MYBBP1A: variants seen among roughly 807,000 people sequenced by gnomAD.
MYBBP1A encodes the protein MYB binding protein 1a.
In MYBBP1A, 147 loss-of-function variants were observed where a neutral mutation model predicts 136.3. The ratio of observed to expected loss-of-function variants is 1.08; its 90% CI spans 0.94 to 1.24. MYBBP1A has a LOEUF of 1.24. Ranked by LOEUF, MYBBP1A falls within the 50% of genes most tolerant of loss-of-function variation. The pLI is 0.00. For synonymous variants in MYBBP1A, 947 were observed against 735.8 expected (o/e 1.29, Z -4.65); for missense variants, 2,060 against 1,727.4 (o/e 1.19, Z -3.41).
intron 25 of MYBBP1A, 49 bp from the exon 26 acceptor site, chr17:4,540,016 C>T (rs1443828173): frequency 6.4e-7 from 1 of 1,558,156 alleles, no homozygotes; most frequent in Non-Finnish European, 8.7e-7. Flanking sequence ...GGGCAGCAGC[C>T]ACCGCCACCG....
Position 4,539,841 on chromosome 17 carries a change from C to A in MYBBP1A, c.3561G>T (p.Glu1187Asp). The change falls in exon 26 of 26, where the codon GAG becomes GAT. Residue 1187 changes from glutamate to aspartate, a missense_variant. Coordinates refer to ENST00000254718, the MANE Select transcript of MYBBP1A (RefSeq NM_014520.4). ...TGCCATCCTCCGCTGGCGTGCCATC[C>A]TCTGACTTGCGTTTCTTGCGCTTCT... ...ETKKRKKRKS[E>D]DGTPAEDGTP... is the part of the protein sequence containing the mutation. 3.7e-6 allele frequency: 6 copies of A among 1,609,398 alleles called. No individual in the cohort carries two copies. The South Asian group carries it at 6.6e-5, about 18-fold the overall frequency.
At chr17:4,546,921 TTTTTTTC>T (rs200827487) in intron 13 of MYBBP1A, among the ~76,000 whole-genome samples, 3,959 of 151,338 alleles carry the variant, frequency 0.026, 139 homozygotes, top group African/African-American at 0.09. Flanking sequence ...CCTTTTTTTT[TTTTTTTC>T]TAAGACAGAA....
chr17:4,542,419 G>A (rs1906519790), intron 22 of MYBBP1A, 45 bp downstream of exon 22: 2 of 1,564,782 alleles, frequency 1.3e-6, no homozygotes, highest in East Asian at 2.3e-5. Flanking sequence ...GGTTAAGCGG[G>A]TTAATTCAGA....
At chr17:4,545,482 T>A in intron 15 of MYBBP1A, 128 bp downstream of exon 15, 1 of 1,493,200 alleles carries the variant, frequency 6.7e-7, no homozygotes, top group Admixed American at 2.1e-5. Context: ...GGCCAAGGCC[T>A]CGTTGAGACC....
At position 4,550,391 on chromosome 17, in the gene MYBBP1A, AG is replaced by A. The variant is rs751842512; in HGVS notation, c.1024-39del. ...GGCATGGCGCTGAGCCCACCAGCCCAGGGGGGCAGGCGGTTAACAACCCAAC... is the reference window on the plus strand; with the variant it reads ...GGCATGGCGCTGAGCCCACCAGCCCAGGGGGCAGGCGGTTAACAACCCAAC... On this transcript the variant is annotated intron_variant, in intron 8 of 25. Transcript: ENST00000254718. 18 of 1,573,514 alleles carry A rather than the reference AG, an allele frequency of 1.1e-5. No individual in the cohort carries two copies. The South Asian group carries it at 1.6e-4, about 14-fold the overall frequency.
chr17:4,540,233 C>T (rs1467822842), intron 25 of MYBBP1A, 115 bp downstream of exon 25: 1 of 1,383,162 alleles, frequency 7.2e-7, no homozygotes, highest in Non-Finnish European at 9.7e-7. Context: ...TGTGCAGCAG[C>T]ATGCGTGTGC....
In MYBBP1A at chr17:4,553,936, C is replaced by A; in HGVS notation, c.454-19G>T. On this transcript the variant is annotated intron_variant, in intron 4 of 25. Coordinates refer to ENST00000254718, the MANE Select transcript of MYBBP1A (RefSeq NM_014520.4). ...CCTGGTCCTGGTCCCCACAGAGGGACAGAGGGTATGAGCAGGGCACACGAC... is the reference window on the plus strand; with the variant it reads ...CCTGGTCCTGGTCCCCACAGAGGGAAAGAGGGTATGAGCAGGGCACACGAC... 1 of 1,613,972 alleles carries A rather than the reference C, an allele frequency of 6.2e-7. No individual in the cohort carries two copies. The highest frequency in any genetic ancestry group is 8.5e-7 in the Non-Finnish European group (1 of 1,179,948).
Position 4,544,923 on chromosome 17 carries a change from T to TG in MYBBP1A, c.2311-3dup. ...CTCGTTCTCACTGTCCTCTCCACCC[T>TG]GAGGGACAGAGGCCCAGCGGTCAGC... On this transcript the variant is annotated splice_region_variant and splice_polypyrimidine_tract_variant and intron_variant, in intron 17 of 25. Transcript: ENST00000254718. The TG allele has an allele frequency of 6.3e-7, 1 of 1,597,626 alleles. No homozygotes were observed. Among genetic ancestry groups the TG allele is most frequent in the Non-Finnish European group, 8.5e-7 (1 of 1,170,892 alleles).
At chr17:4,549,668 T>G (rs762290242) in intron 9 of MYBBP1A, among the ~76,000 whole-genome samples, 67 of 150,634 alleles carry the variant, frequency 4.4e-4, no homozygotes, top group Non-Finnish European at 8.4e-4. Context: ...TCCCAGCTAC[T>G]GGAGAGGCTG....
intron 17 of MYBBP1A, 31 bp downstream of exon 17, chr17:4,544,990 TCCCCG>T: frequency 1.4e-6 from 1 of 699,504 alleles, no homozygotes; most frequent in Non-Finnish European, 1.9e-6. Context: ...ACCCGAGCCC[TCCCCG>T]GCCGCCCCCC....
rs1907764738 is a variant in MYBBP1A at position 4,553,868 on chromosome 17, T to C, written c.503A>G (p.Gln168Arg). Residue 168 changes from glutamine (Q) to arginine (R), a missense_variant, in exon 5 of 26, where the codon CAG becomes CGG. Gln to Arg is a conservative substitution (Grantham distance 43, BLOSUM62 1). Coordinates refer to ENST00000254718, the MANE Select transcript of MYBBP1A (RefSeq NM_014520.4). Reference sequence around the variant, plus strand: ...CTGCTCCTGCAAGTGGTTTTGGTACTGGGCCAGGGCCTGCAGCAGCTTCAC... The same window carrying C: ...CTGCTCCTGCAAGTGGTTTTGGTACCGGGCCAGGGCCTGCAGCAGCTTCAC... ...KSVKLLQALA[Q>R]YQNHLQEQPR... 2.5e-6 allele frequency: 4 copies of C among 1,614,028 alleles called. No homozygotes were observed. The highest frequency in any genetic ancestry group is 2.5e-6 in the Non-Finnish European group (3 of 1,180,008).
intron 13 of MYBBP1A, among the ~76,000 whole-genome samples, chr17:4,547,114 T>C (rs1244024419): frequency 2.6e-5 from 4 of 152,234 alleles, no homozygotes; most frequent in Non-Finnish European, 4.4e-5. Context: ...TTTCACTCTG[T>C]TGGCCAGGCT....
chr17:4,540,090 A>G (rs982424581), intron 25 of MYBBP1A, 123 bp from the exon 26 acceptor site: 3 of 1,269,908 alleles, frequency 2.4e-6, no homozygotes, highest in African/African-American at 3.0e-5. Flanking sequence ...TGAGGCCCCT[A>G]TGAGGGTCCC....
At chr17:4,547,875 C>G (rs1316769187) in intron 13 of MYBBP1A, 83 bp downstream of exon 13, 8 of 1,206,712 alleles carry the variant, frequency 6.6e-6, no homozygotes, top group Non-Finnish European at 8.9e-6. Flanking sequence ...GAAACCCGCA[C>G]AGCCCTCAAA....
chr17:4,549,304 G>A, intron 10 of MYBBP1A, 28 bp downstream of exon 10: 2 of 1,599,404 alleles, frequency 1.3e-6, no homozygotes, highest in Non-Finnish European at 1.7e-6. Flanking sequence ...ACGCCCATGG[G>A]AAGCTGGGAA....
chr17:4,547,422 C>A (rs2144472022), intron 13 of MYBBP1A, among the ~76,000 whole-genome samples: 1 of 152,274 alleles, frequency 6.6e-6, no homozygotes, highest in South Asian at 2.1e-4. Flanking sequence ...CTCAGAATAA[C>A]CAAAGCTGGC....
chr17:4,539,129 C>T lies in MYBBP1A; in HGVS notation c.*286G>A. The T allele has an allele frequency of 6.7e-7, 1 of 1,493,474 alleles. No homozygotes were observed. Among genetic ancestry groups the T allele is most frequent in the Non-Finnish European group, 8.9e-7 (1 of 1,127,944 alleles). 92.5% of individuals were successfully genotyped at this position (1,493,474 alleles called of 1,614,324 possible). The stretch of plus-strand genomic sequence containing the variant: ...CACCTGCCTGCAGCCAGCACATCAA[C>T]CTGCACCAACCCAGGCAAACACCAG... On this transcript the variant is annotated 3_prime_UTR_variant, in exon 26 of 26. Coordinates refer to ENST00000254718, the MANE Select transcript of MYBBP1A (RefSeq NM_014520.4).
Position 4,554,878 on chromosome 17 carries a change from T to C in MYBBP1A, c.277A>G (p.Ser93Gly). The change falls in exon 2 of 26, where the codon AGT becomes GGT. Residue 93 changes from serine (S) to glycine (G), a missense_variant. Coordinates refer to ENST00000254718, the MANE Select transcript of MYBBP1A (RefSeq NM_014520.4). ...CACCTCACCTGTGCCAGGGCCAAAC[T>C]GTAGCAGGGCCGGGCTGTTTCTCGC... The part of the protein sequence containing the change: ...VGRETARPCY[S>G]LALAQLLQSF... 1 of 1,613,560 alleles carries C rather than the reference T, an allele frequency of 6.2e-7. No individual in the cohort carries two copies. The highest frequency in any genetic ancestry group is 8.5e-7 in the Non-Finnish European group (1 of 1,180,024).
Position 4,543,300 on chromosome 17 carries a change from AG to A in MYBBP1A, c.2640-136del, listed in dbSNP as rs1906644682. 10 of 1,250,074 alleles carry A rather than the reference AG, an allele frequency of 8.0e-6. No individual in the cohort carries two copies. The East Asian group carries it at 2.6e-4, about 32-fold the overall frequency. The allele number at this position is 1,250,074 out of a possible 1,614,324, so 77.4% of individuals were successfully genotyped here. On this transcript the variant is annotated intron_variant, in intron 19 of 25. Coordinates refer to ENST00000254718, the MANE Select transcript of MYBBP1A (RefSeq NM_014520.4). ...ACGACAGAGGCGACCCAGGCCACAG[AG>A]GAGGGCCCAGGGCCGCCTGCAGGCT...
Sources: gnomAD v4.1 joint callset for allele counts (sites outside exome capture counted in the v4.1 genomes callset) on GRCh38, gnomAD v4.1.1 for gene constraint, MANE v1.5 for transcripts, NCBI Gene and HGNC (gene_info 2026-07-23, HGNC 2026-07-21) for gene names.